The following COG2 variants were observed in gnomAD, a reference collection of about 807,000 sequenced individuals.
COG2 encodes the protein conserved oligomeric Golgi complex subunit 2.
Under a neutral mutation model 90.6 loss-of-function variants are expected in COG2, and 52 were observed. That is an observed-to-expected ratio of 0.57 (90% CI 0.46 to 0.72). The LOEUF (loss-of-function observed/expected upper bound fraction) is 0.72, where lower values mean the gene tolerates loss of function less well. Ranked by LOEUF, COG2 falls within the 30% of genes least tolerant of loss-of-function variation. The pLI, the probability that COG2 is intolerant of heterozygous loss-of-function variation, is 0.00. For missense variants in COG2, 829 were observed against 891.2 expected, an observed-to-expected ratio of 0.93 and a Z score of 0.89; for synonymous variants, 337 against 320.4, an observed-to-expected ratio of 1.05 and a Z score of -0.55.
chr1:230,653,073 C>T lies in COG2; in HGVS notation c.73-6391C>T, dbSNP rs116402253. Among the ~76,000 whole-genome samples, 1,215 of 152,200 alleles carry T rather than the reference C, an allele frequency of 8.0e-3. 18 individuals are homozygous for T. The highest frequency in any genetic ancestry group is 0.027 in the African/African-American group (1,134 of 41,524). On this transcript the variant is annotated intron_variant, in intron 1 of 17. Coordinates refer to ENST00000366669, the MANE Select transcript of COG2 (RefSeq NM_007357.3). ...ACAGTATATTATTAACTATAGTCAT[C>T]ATGCTATACATTAGAACTCCAGAAT... is the stretch of plus-strand genomic sequence containing the variant.
intron 10 of COG2, chr1:230,679,808 G>A (rs1558277429): frequency 6.6e-6 from 1 of 152,196 alleles, no homozygotes; most frequent in Admixed American, 6.5e-5. Flanking sequence ...GCTCTTTGAA[G>A]AATCATAGGC....
rs1271479966 is a variant in COG2 at position 230,660,806 on chromosome 1, T to C, written c.283T>C (p.Leu95=). Residue 95 remains leucine, a synonymous_variant, in exon 3 of 18, where the codon TTA becomes CTA. Transcript: ENST00000366669. ...CCAGCTTTCTGTGCCTTTGGGACAATTACGAGAAGAGGTTCTGGTAAGTTT... is the reference window on the plus strand; with the variant it reads ...CCAGCTTTCTGTGCCTTTGGGACAACTACGAGAAGAGGTTCTGGTAAGTTT... ...LNQLSVPLGQ[L]REEVLSLRSS... The C allele has an allele frequency of 6.3e-7, 1 of 1,588,506 alleles. No homozygotes were observed. The highest frequency in any genetic ancestry group is 8.6e-7 in the Non-Finnish European group (1 of 1,168,820).
chr1:230,687,120 G>A lies in COG2; in HGVS notation c.1566G>A (p.Lys522=). 1 of 1,610,422 alleles carries A rather than the reference G, an allele frequency of 6.2e-7. No homozygotes were observed. The highest frequency in any genetic ancestry group is 8.5e-7 in the Non-Finnish European group (1 of 1,177,916). Residue 522 remains lysine (K), a synonymous_variant, in exon 13 of 18, where the codon AAG becomes AAA. Transcript: ENST00000366669. Reference sequence around the variant, plus strand: ...TGTATGTGGTTGCAGACCTGGACAAGCTTCAGGAGCAGGTAAGCCTGTGTC... The same window carrying A: ...TGTATGTGGTTGCAGACCTGGACAAACTTCAGGAGCAGGTAAGCCTGTGTC... The part of the protein sequence containing the change: ...QLVYVVADLD[K]LQEQLPELLE...
chr1:230,689,180 T>C (rs542809100), intron 15 of COG2, among the ~76,000 whole-genome samples: 28 of 147,628 alleles, frequency 1.9e-4, no homozygotes, highest in Non-Finnish European at 3.7e-4. Context: ...ACAAAAAAAG[T>C]TTTTATTAAA....
intron 11 of COG2, among the ~76,000 whole-genome samples, chr1:230,684,840 T>A (rs1439536624): frequency 6.6e-6 from 1 of 152,210 alleles, no homozygotes; most frequent in Admixed American, 6.5e-5. Context: ...ATGTATTTGA[T>A]GTTTATCCAA....
chr1:230,642,511 T>TGGAAACTGGCGGTGGCCGC lies in COG2; in HGVS notation c.-93_-75dup, dbSNP rs1661643561. ...GGCGGAAGCGGACCCCCCTGTGCCG[T>TGGAAACTGGCGGTGGCCGC]GGAAACTGGCGGTGGCCGCGGCCGC... On this transcript the variant is annotated 5_prime_UTR_variant, in exon 1 of 18. It removes the in-frame stop codon of an upstream open reading frame in the 5' UTR. Coordinates refer to ENST00000366669, the MANE Select transcript of COG2 (RefSeq NM_007357.3). 1.6e-6 allele frequency: 2 copies of TGGAAACTGGCGGTGGCCGC among 1,261,336 alleles called. No homozygotes were observed. The highest frequency in any genetic ancestry group is 3.0e-5 in the African/African-American group (2 of 67,330). 78.1% of individuals were successfully genotyped at this position (1,261,336 alleles called of 1,614,324 possible).
chr1:230,666,668 C>T (rs1166193136), intron 5 of COG2, among the ~76,000 whole-genome samples: 1 of 152,202 alleles, frequency 6.6e-6, no homozygotes, highest in Non-Finnish European at 1.5e-5. Context: ...ACTTACGCTT[C>T]CTTAATTTTA....
intron 17 of COG2, 56 bp from the exon 18 acceptor site, chr1:230,693,236 C>T (rs1314789680): frequency 1.0e-6 from 1 of 991,456 alleles, no homozygotes; most frequent in South Asian, 1.4e-5. Context: ...TTTTTTTTCC[C>T]CCCCCATATT....
intron 15 of COG2, among the ~76,000 whole-genome samples, chr1:230,689,337 C>G (rs1376407855): frequency 1.3e-5 from 2 of 152,020 alleles, no homozygotes; most frequent in Non-Finnish European, 2.9e-5. Context: ...AGAGAGAAAC[C>G]AATATGTTAT....
chr1:230,668,977 C>G, intron 6 of COG2, 193 bp downstream of exon 6: 1 of 484,652 alleles, frequency 2.1e-6, no homozygotes, highest in East Asian at 3.2e-5. Flanking sequence ...CAGTCACATT[C>G]TCCAGATGAT....
At chr1:230,686,836 G>A (rs1471487641) in intron 12 of COG2, 99 bp from the exon 13 acceptor site, 7 of 635,940 alleles carry the variant, frequency 1.1e-5, no homozygotes, top group Non-Finnish European at 1.8e-5. Context: ...TAGACAGCTA[G>A]CATTTAATGG....
intron 5 of COG2, among the ~76,000 whole-genome samples, 160 bp from the exon 6 acceptor site, chr1:230,668,516 C>T (rs1427641731): frequency 1.3e-5 from 2 of 152,162 alleles, no homozygotes; most frequent in South Asian, 2.1e-4. Flanking sequence ...GCACAAAAGA[C>T]GCTTTAGCTT....
intron 6 of COG2, 170 bp from the exon 7 acceptor site, chr1:230,669,180 TTACTTA>T: frequency 1.9e-6 from 1 of 530,206 alleles, no homozygotes; most frequent in Non-Finnish European, 3.2e-6. Flanking sequence ...AAGCAGAGAT[TTACTTA>T]TAAAGTGATT....
intron 1 of COG2, among the ~76,000 whole-genome samples, chr1:230,644,779 A>C (rs1463501659): frequency 6.6e-6 from 1 of 152,132 alleles, no homozygotes; most frequent in African/African-American, 2.4e-5. Context: ...TTTAGTATTC[A>C]TTGTGGAGTT....
chr1:230,669,094 C>T (rs1214313233), intron 6 of COG2: 1 of 454,412 alleles, frequency 2.2e-6, no homozygotes, highest in Non-Finnish European at 3.9e-6. Flanking sequence ...GATGTTTCCT[C>T]AAGATTGACT....
At chr1:230,649,468 C>A (rs1661863140) in intron 1 of COG2, among the ~76,000 whole-genome samples, 1 of 152,198 alleles carries the variant, frequency 6.6e-6, no homozygotes, top group Non-Finnish European at 1.5e-5. Flanking sequence ...AGCTCAGATA[C>A]CACTTTGTAA....
chr1:230,665,380 G>A (rs577377618), intron 5 of COG2, among the ~76,000 whole-genome samples: 1 of 152,286 alleles, frequency 6.6e-6, no homozygotes, highest in East Asian at 1.9e-4. Context: ...ATCTCTGAAA[G>A]TCACATTGAT....
At chr1:230,666,607 T>C (rs567947438) in intron 5 of COG2, among the ~76,000 whole-genome samples, 1 of 152,352 alleles carries the variant, frequency 6.6e-6, no homozygotes, top group South Asian at 2.1e-4. Flanking sequence ...TATTCTTCAC[T>C]AAAGCTATTC....
rs1369603602 is a variant in COG2 at position 230,675,055 on chromosome 1, A to T, written c.957A>T (p.Gln319His). Residue 319 changes from glutamine (Q) to histidine (H), a missense_variant, in exon 9 of 18, where the codon CAA becomes CAT. Physicochemically the swap from Gln to His is conservative, Grantham distance 24 (BLOSUM62 0). Coordinates refer to ENST00000366669, the MANE Select transcript of COG2 (RefSeq NM_007357.3). ...TTTTGGTGAATTCTGTTTGGCCACAAATAGTACAAGGATTAGAAGAAAAGT... is the reference window on the plus strand; with the variant it reads ...TTTTGGTGAATTCTGTTTGGCCACATATAGTACAAGGATTAGAAGAAAAGT... ...YDFLVNSVWP[Q>H]IVQGLEEKLP... 5.6e-6 allele frequency: 9 copies of T among 1,613,170 alleles called. No individual in the cohort carries two copies. Among genetic ancestry groups the T allele is most frequent in the Non-Finnish European group, 6.8e-6 (8 of 1,179,598 alleles).
Sources: allele counts gnomAD v4.1 joint callset (sites outside exome capture counted in the v4.1 genomes callset), GRCh38; gene constraint gnomAD v4.1.1; transcripts MANE v1.5; gene names NCBI Gene and HGNC (gene_info 2026-07-23, HGNC 2026-07-21).